Variants in ZEB2 observed in about 807,000 individuals in gnomAD.
ZEB2 encodes zinc finger E-box-binding homeobox 2.
ZEB2 carries 6 observed loss-of-function variants against 99.9 expected under a neutral mutation model. The observed-to-expected ratio is 0.06, with a 90% CI of 0.03 to 0.12. ZEB2 has a LOEUF of 0.12. ZEB2 is among the 10% of genes least tolerant of loss of function. The pLI is 1.00. For missense variants in ZEB2, 969 were observed against 1,502.8 expected (o/e 0.64, Z 5.87); for synonymous variants, 517 against 542.5 (o/e 0.95, Z 0.65).
rs780045123 is a variant in ZEB2 at position 144,398,708 on chromosome 2, G to A, written c.2479C>T (p.Pro827Ser). The A allele has an allele frequency of 4.3e-6, 7 of 1,614,114 alleles. 1 individual carries two copies. In the South Asian group the frequency reaches 7.7e-5, roughly 18 times the overall value. The change falls in exon 8 of 10, where the codon CCC becomes TCC. Residue 827 changes from proline (P) to serine (S), a missense_variant. By Grantham distance (74) the Pro-to-Ser change is moderately conservative. Transcript: ENST00000627532. ...DLSLPKQMKE[P>S]KSIIATKNKT... Reference sequence around the variant, plus strand: ...TTCTTTGTGGCTATAATACTTTTGGGTTCTTTCATTTGTTTTGGTAATGAC... The same window carrying A: ...TTCTTTGTGGCTATAATACTTTTGGATTCTTTCATTTGTTTTGGTAATGAC...
At chr2:144,405,108 A>C in intron 4 of ZEB2, 84 bp from the exon 5 acceptor site, 2 of 1,419,672 alleles carry the variant, frequency 1.4e-6, no homozygotes, top group Non-Finnish European at 1.9e-6. Context: ...GCCAGTGAGA[A>C]ATGCTGACTT....
At chr2:144,476,853 T>C (rs1323645168) in intron 2 of ZEB2, among the ~76,000 whole-genome samples, 1 of 152,236 alleles carries the variant, frequency 6.6e-6, no homozygotes, top group African/African-American at 2.4e-5. Context: ...TATCACTTGC[T>C]GATTTCGCAC....
chr2:144,396,909 T>C (rs896748168), intron 8 of ZEB2, among the ~76,000 whole-genome samples: 7 of 152,162 alleles, frequency 4.6e-5, no homozygotes, highest in Admixed American at 1.3e-4. Flanking sequence ...GAAATACCCA[T>C]AAGTGAAAAT....
chr2:144,404,007 T>G lies in ZEB2; in HGVS notation c.716A>C (p.Glu239Ala). The change falls in exon 6 of 10, where the codon GAG becomes GCG. Residue 239 changes from glutamate (E) to alanine (A), a missense_variant. By Grantham distance (107) the Glu-to-Ala change is moderately radical (BLOSUM62 -1). Coordinates refer to ENST00000627532, the MANE Select transcript of ZEB2 (RefSeq NM_014795.4). ...GCTACAGAGAGGGCAGGAAAAGTTCTCTTCATTCTTCTCGTGGCGGTACTT... is the reference window on the plus strand; with the variant it reads ...GCTACAGAGAGGGCAGGAAAAGTTCGCTTCATTCTTCTCGTGGCGGTACTT... ...HIKYRHEKNE[E>A]NFSCPLCSYT... 1 of 1,614,134 alleles carries G rather than the reference T, an allele frequency of 6.2e-7. No individual in the cohort carries two copies. Among genetic ancestry groups the G allele is most frequent in the East Asian group, 2.2e-5 (1 of 44,878 alleles).
intron 2 of ZEB2, among the ~76,000 whole-genome samples, chr2:144,448,126 G>C (rs10187892): frequency 0.44 from 66,822 of 152,050 alleles, 16,870 homozygotes; most frequent in East Asian, 0.6. Context: ...GTGACAGTGA[G>C]TTCCGTATCA....
At chr2:144,409,168 A>G (rs561080157) in intron 4 of ZEB2, among the ~76,000 whole-genome samples, 1 of 152,224 alleles carries the variant, frequency 6.6e-6, no homozygotes, top group South Asian at 2.1e-4. Flanking sequence ...GTGAGCCAAG[A>G]AACTTCCTTT....
At chr2:144,464,540 C>T (rs1441671067) in intron 2 of ZEB2, among the ~76,000 whole-genome samples, 2 of 152,086 alleles carry the variant, frequency 1.3e-5, no homozygotes, top group Non-Finnish European at 2.9e-5. Context: ...ATTAGCTCAG[C>T]TATAAAAGGG....
At chr2:144,393,694 C>T (rs1703183114) in intron 9 of ZEB2, among the ~76,000 whole-genome samples, 1 of 152,104 alleles carries the variant, frequency 6.6e-6, no homozygotes, top group South Asian at 2.1e-4. Flanking sequence ...ACCTAATACA[C>T]TGACAGTAGT....
chr2:144,512,965 C>G (rs1424835290), intron 2 of ZEB2: 1 of 1,287,236 alleles, frequency 7.8e-7, no homozygotes, highest in Non-Finnish European at 1.0e-6. Flanking sequence ...ACGAAGAAAG[C>G]TACTTGCCAA....
chr2:144,498,061 A>G lies in ZEB2; in HGVS notation c.73+19217T>C, dbSNP rs866303110. Among the ~76,000 whole-genome samples the G allele has an allele frequency of 7.1e-5, 5 of 70,842 alleles. 1 individual carries two copies. Among genetic ancestry groups the G allele is most frequent in the African/African-American group, 2.6e-4 (5 of 19,466 alleles). 46.5% of individuals were successfully genotyped at this position (70,842 alleles called of 152,430 possible). A position where few individuals can be genotyped will look rare whatever the true frequency, so the allele number is the denominator to read the frequency against. ...ATATTAATATTATATATTATATAAT[A>G]TATATTAATATTATATATTATATAA... On this transcript the variant is annotated intron_variant, in intron 2 of 9. Coordinates refer to ENST00000627532, the MANE Select transcript of ZEB2 (RefSeq NM_014795.4).
At chr2:144,481,275 C>T (rs1188175394) in intron 2 of ZEB2, among the ~76,000 whole-genome samples, 1 of 152,164 alleles carries the variant, frequency 6.6e-6, no homozygotes, top group Non-Finnish European at 1.5e-5. Context: ...CTCAAGTGTG[C>T]CCCGGGTTAC....
At chr2:144,401,127 T>G (rs1703304584) in intron 7 of ZEB2, 72 bp downstream of exon 7, 1 of 1,406,240 alleles carries the variant, frequency 7.1e-7, no homozygotes, top group African/African-American at 1.4e-5. Flanking sequence ...CTGTGTAAAT[T>G]TTAAACAATC....
At chr2:144,440,476 C>T (rs1703890669) in intron 2 of ZEB2, among the ~76,000 whole-genome samples, 1 of 137,068 alleles carries the variant, frequency 7.3e-6, no homozygotes, top group Admixed American at 7.0e-5. Flanking sequence ...ACCTCAGTAC[C>T]CAAAAGCAGT....
intron 2 of ZEB2, among the ~76,000 whole-genome samples, chr2:144,458,846 C>G (rs1002164349): frequency 1.3e-5 from 2 of 152,024 alleles, no homozygotes; most frequent in African/African-American, 4.8e-5. Flanking sequence ...AGCAGTTTCC[C>G]TTTTTGAGAC....
intron 8 of ZEB2, chr2:144,397,949 T>C (rs1227968634): frequency 2.8e-6 from 1 of 360,320 alleles, no homozygotes; most frequent in Non-Finnish European, 5.4e-6. Flanking sequence ...CCTGTGTACA[T>C]CTTTAAAAGC....
chr2:144,438,005 A>G (rs1703859844), intron 2 of ZEB2, among the ~76,000 whole-genome samples: 1 of 152,206 alleles, frequency 6.6e-6, no homozygotes, highest in African/African-American at 2.4e-5. Flanking sequence ...ACTTTTAGCT[A>G]TTGTAGTCCC....
rs1703068854 is a variant in ZEB2, at chr2:144,385,429, C to T, written c.*4022G>A. The T allele has an allele frequency of 6.6e-6, 1 of 151,966 alleles. No homozygotes were observed. Among genetic ancestry groups the T allele is most frequent in the South Asian group, 2.1e-4 (1 of 4,812 alleles). The allele number at this position is 151,966 out of a possible 1,614,324, so 9.4% of individuals were successfully genotyped here. ...CCATGTGAATTCTTTGGTGTTTTTTCCCCCTCTTTTTTTAGTGCTATGATT... is the reference window on the plus strand; with the variant it reads ...CCATGTGAATTCTTTGGTGTTTTTTTCCCCTCTTTTTTTAGTGCTATGATT... On this transcript the variant is annotated 3_prime_UTR_variant, in exon 10 of 10. Coordinates refer to ENST00000627532, the MANE Select transcript of ZEB2 (RefSeq NM_014795.4).
At chr2:144,481,811 A>G (rs535861496) in intron 2 of ZEB2, among the ~76,000 whole-genome samples, 2 of 152,194 alleles carry the variant, frequency 1.3e-5, no homozygotes, top group Non-Finnish European at 2.9e-5. Context: ...ACTGATGATT[A>G]CCTCTGGCCT....
At chr2:144,475,317 C>T (rs1196486176) in intron 2 of ZEB2, among the ~76,000 whole-genome samples, 3 of 152,188 alleles carry the variant, frequency 2.0e-5, no homozygotes, top group Middle Eastern at 3.2e-3. Flanking sequence ...CTCTCACACT[C>T]ACTATGCAGC....
Sources: gnomAD v4.1 joint callset for allele counts (sites outside exome capture counted in the v4.1 genomes callset) on GRCh38, gnomAD v4.1.1 for gene constraint, MANE v1.5 for transcripts, NCBI Gene and HGNC (gene_info 2026-07-23, HGNC 2026-07-21) for gene names.